Variants in ABCC4 observed in about 807,000 individuals in gnomAD.
ABCC4 encodes the protein ATP binding cassette subfamily C member 4 (PEL blood group).
Under a neutral mutation model 168.5 loss-of-function variants are expected in ABCC4, and 102 were observed. The ratio of observed to expected loss-of-function variants is 0.61; its 90% CI spans 0.52 to 0.71. ABCC4 has a LOEUF of 0.71. ABCC4 is among the 30% of genes least tolerant of loss of function. ABCC4 has a pLI of 0.00. For missense variants in ABCC4, 1,402 were observed against 1,605.8 expected (o/e 0.87, Z 2.17); for synonymous variants, 617 against 590.7 (o/e 1.04, Z -0.65).
rs755083401 is a variant in ABCC4 at position 95,053,124 on chromosome 13, C to T, written c.3427G>A (p.Asp1143Asn). ...KNLDPFNEHT[D>N]EELWNALQEV... ...TGTAAGGCATTCCACAGTTCCTCAT[C>T]CGTGTGCTCATTAAAGGGATCCAGG... The change falls in exon 27 of 31, where the codon GAT (aspartate) becomes AAT (asparagine). Residue 1143 changes from aspartate (D) to asparagine (N), a missense_variant. By Grantham distance (23) the Asp-to-Asn change is conservative. Around this residue, in one of 3 missense-constraint regions of ABCC4, gnomAD observed 1,007 missense variants for 1,127.3 expected, o/e 0.89. Transcript: ENST00000645237. The T allele has an allele frequency of 1.2e-5, 20 of 1,614,114 alleles. No individual in the cohort carries two copies. Among genetic ancestry groups the T allele is most frequent in the Non-Finnish European group, 1.6e-5 (19 of 1,179,988 alleles).
intron 19 of ABCC4, among the ~76,000 whole-genome samples, chr13:95,145,470 A>G (rs2036460674): frequency 6.6e-6 from 1 of 151,824 alleles, no homozygotes; most frequent in Admixed American, 6.6e-5. Context: ...AAAAAAAAAA[A>G]AAAGAAAAAA....
chr13:95,090,023 A>G (rs1438973935), intron 20 of ABCC4, among the ~76,000 whole-genome samples: 2 of 152,150 alleles, frequency 1.3e-5, no homozygotes, highest in African/African-American at 2.4e-5. Context: ...TTCAAGAACA[A>G]ACCAGCAATC....
chr13:95,038,612 A>C (rs1168924298), intron 29 of ABCC4, among the ~76,000 whole-genome samples: 1 of 152,120 alleles, frequency 6.6e-6, no homozygotes, highest in Non-Finnish European at 1.5e-5. Context: ...CCAGATGCCG[A>C]GAGGTCTGAC....
chr13:95,097,592 CTTTTTTTT>C lies in ABCC4; in HGVS notation c.2536-14310_2536-14303del, dbSNP rs56169430. 2.3e-4 allele frequency among the ~76,000 whole-genome samples: 19 copies of C among 82,116 alleles called. 1 individual carries two copies. The highest frequency in any genetic ancestry group is 5.2e-4 in the Admixed American group (3 of 5,812). The allele number at this position is 82,116 out of a possible 152,430, so 53.9% of individuals were successfully genotyped here. On this transcript the variant is annotated intron_variant, in intron 20 of 30. Transcript: ENST00000645237. ...ACTCCACAGCTACAGAATATACATT[CTTTTTTTT>C]TTTTTTTTTTTTTTTTCAAATGCAC...
chr13:95,033,880 T>C (rs546866787), intron 30 of ABCC4, among the ~76,000 whole-genome samples: 136 of 152,268 alleles, frequency 8.9e-4, no homozygotes, highest in African/African-American at 3.2e-3. Flanking sequence ...CAGGCTGGTC[T>C]CAGACTCCCA....
chr13:95,054,443 G>C (rs914724680), intron 26 of ABCC4, among the ~76,000 whole-genome samples: 1 of 151,906 alleles, frequency 6.6e-6, no homozygotes, highest in African/African-American at 2.4e-5. Context: ...AGCTACTTGG[G>C]AGGCTGAGGC....
intron 20 of ABCC4, among the ~76,000 whole-genome samples, chr13:95,102,343 A>C (rs930001501): frequency 1.8e-4 from 28 of 152,084 alleles, no homozygotes; most frequent in Admixed American, 1.3e-4. Flanking sequence ...ACAGGGTCTC[A>C]CCATAATGCT....
intron 20 of ABCC4, among the ~76,000 whole-genome samples, chr13:95,113,354 T>G (rs2035268228): frequency 6.6e-6 from 1 of 152,216 alleles, no homozygotes; most frequent in Non-Finnish European, 1.5e-5. Context: ...AGGCTTCTAA[T>G]TAATTTCCAG....
At chr13:95,133,013 T>G (rs2036023732) in intron 19 of ABCC4, among the ~76,000 whole-genome samples, 1 of 151,658 alleles carries the variant, frequency 6.6e-6, no homozygotes, top group African/African-American at 2.4e-5. Flanking sequence ...TGCACAATAA[T>G]GCAAATGTAC....
At chr13:95,293,552 T>C (rs71433013) in intron 1 of ABCC4, among the ~76,000 whole-genome samples, 3 of 144,144 alleles carry the variant, frequency 2.1e-5, no homozygotes, top group South Asian at 2.4e-4. Flanking sequence ...CTGCAACTTC[T>C]GCCTCCCGGG....
At chr13:95,288,062 A>C (rs964273524) in intron 1 of ABCC4, among the ~76,000 whole-genome samples, 3 of 116,408 alleles carry the variant, frequency 2.6e-5, no homozygotes, top group Non-Finnish European at 6.6e-5. Context: ...TAAATAAATA[A>C]ATAAATATTT....
chr13:95,193,427 C>G (rs911056181), intron 9 of ABCC4, among the ~76,000 whole-genome samples: 2 of 152,204 alleles, frequency 1.3e-5, no homozygotes, highest in Non-Finnish European at 2.9e-5. Flanking sequence ...GGGCTCTGCT[C>G]CTGGCAGACA....
At chr13:95,297,434 G>T (rs2041565828) in intron 1 of ABCC4, among the ~76,000 whole-genome samples, 1 of 152,104 alleles carries the variant, frequency 6.6e-6, no homozygotes, top group African/African-American at 2.4e-5. Context: ...AAGTCAGTAA[G>T]CCAGTTATTG....
intron 4 of ABCC4, among the ~76,000 whole-genome samples, chr13:95,211,035 A>G (rs2038941875): frequency 6.6e-6 from 1 of 152,172 alleles, no homozygotes; most frequent in African/African-American, 2.4e-5. Flanking sequence ...CACGCCCCCA[A>G]GTACAAAAGG....
intron 19 of ABCC4, among the ~76,000 whole-genome samples, chr13:95,144,406 C>T (rs2036419842): frequency 6.6e-6 from 1 of 152,092 alleles, no homozygotes; most frequent in East Asian, 1.9e-4. Context: ...CCAGAACAAT[C>T]AAGCAAGAAA....
At chr13:95,215,324 C>CCACGAGGCGGAGGTTG (rs1447733087) in intron 4 of ABCC4, among the ~76,000 whole-genome samples, 4 of 152,048 alleles carry the variant, frequency 2.6e-5, no homozygotes, top group Admixed American at 2.6e-4. Context: ...TCGCTTGAAC[C>CCACGAGGCGGAGGTTG]CACGAGGCGG....
rs141627636 is a variant in ABCC4 at position 95,155,950 on chromosome 13, T to C, written c.2455+5239A>G. 3.6e-3 allele frequency among the ~76,000 whole-genome samples: 555 copies of C among 152,354 alleles called. 6 individuals carry two copies. Among genetic ancestry groups the C allele is most frequent in the African/African-American group, 0.013 (540 of 41,576 alleles). ...AGACCTGATAAGAATAAAATGTCTC[T>C]GCTAACTCTGTTGGCGTGGAAGAAA... On this transcript the variant is annotated intron_variant, in intron 19 of 30. Transcript: ENST00000645237.
chr13:95,208,291 G>A (rs1429198302), intron 6 of ABCC4, among the ~76,000 whole-genome samples: 1 of 133,692 alleles, frequency 7.5e-6, no homozygotes, highest in Non-Finnish European at 1.6e-5. Flanking sequence ...CTGGGGAGCA[G>A]AAAAGAAAGG....
At chr13:95,058,711 A>AG (rs1265233028) in intron 26 of ABCC4, among the ~76,000 whole-genome samples, 1 of 152,142 alleles carries the variant, frequency 6.6e-6, no homozygotes, top group African/African-American at 2.4e-5. Flanking sequence ...TTCTGATTCT[A>AG]CTACTTATTA....
Sources: gnomAD v4.1 joint callset for allele counts (sites outside exome capture counted in the v4.1 genomes callset) on GRCh38, gnomAD v4.1.1 for gene constraint, gnomAD v4.1.1 regional missense constraint, MANE v1.5 for transcripts, NCBI Gene and HGNC (gene_info 2026-07-23, HGNC 2026-07-21) for gene names.